Variants in UTP15 observed in about 807,000 individuals in gnomAD.
UTP15 encodes UTP15 small subunit processome component, also known as U3 small nucleolar RNA-associated protein 15 homolog.
UTP15 carries 5 observed loss-of-function variants against 59.1 expected under a neutral mutation model. The observed-to-expected ratio is 0.08, with a 90% CI of 0.04 to 0.18. UTP15 has a LOEUF of 0.18. Among genes scored for constraint, UTP15 ranks in the 10% least tolerant of loss-of-function variants. UTP15 has a pLI of 1.00. For synonymous variants in UTP15, 211 were observed against 212.2 expected (o/e 0.99, Z 0.05); for missense variants, 494 against 616.7 (o/e 0.80, Z 2.11).
chr5:73,578,666 C>T (rs1340478873), intron 9 of UTP15, 85 bp from the exon 10 acceptor site: 14 of 1,126,294 alleles, frequency 1.2e-5, no homozygotes, highest in Non-Finnish European at 1.7e-5. Flanking sequence ...TCAGAGATAC[C>T]ACTTCATTAT....
chr5:73,582,972 C>G lies in UTP15; in HGVS notation c.*2878C>G, dbSNP rs1318799614. 5 of 152,138 alleles carry G rather than the reference C, an allele frequency of 3.3e-5. No individual in the cohort carries two copies. Among genetic ancestry groups the G allele is most frequent in the African/African-American group, 1.2e-4 (5 of 41,432 alleles). 9.4% of individuals were successfully genotyped at this position (152,138 alleles called of 1,614,324 possible). A position where few individuals can be genotyped will look rare whatever the true frequency, so the allele number is the denominator to read the frequency against. Reference sequence around the variant, plus strand: ...GAAGGTTTATGCTAATGGGGTCAAGCATTTGCAATGCTGCTTAAAAGAATC... The same window carrying G: ...GAAGGTTTATGCTAATGGGGTCAAGGATTTGCAATGCTGCTTAAAAGAATC... On this transcript the variant is annotated 3_prime_UTR_variant, in exon 13 of 13. Transcript: ENST00000296792.
At chr5:73,574,453 G>A (rs962617331) in intron 7 of UTP15, among the ~76,000 whole-genome samples, 7 of 152,044 alleles carry the variant, frequency 4.6e-5, no homozygotes, top group African/African-American at 1.4e-4. Flanking sequence ...GCAGCTAGAA[G>A]TATGGCACAG....
chr5:73,574,469 G>T (rs937319458), intron 7 of UTP15, among the ~76,000 whole-genome samples: 1 of 151,610 alleles, frequency 6.6e-6, no homozygotes, highest in African/African-American at 2.4e-5. Context: ...CACAGTTCTA[G>T]AATTTACATG....
At position 73,568,552 on chromosome 5, in the gene UTP15, C is replaced by G. The variant is rs1747848217; in HGVS notation, c.316C>G (p.Leu106Val). 1.2e-6 allele frequency: 2 copies of G among 1,614,026 alleles called. No homozygotes were observed. The highest frequency in any genetic ancestry group is 1.7e-6 in the Non-Finnish European group (2 of 1,179,940). Reference sequence around the variant, plus strand: ...TGGCAGTGAAGATGGTGGAGTTCAACTTTTTGATATAAGTGGGAGGGCTCC... The same window carrying G: ...TGGCAGTGAAGATGGTGGAGTTCAAGTTTTTGATATAAGTGGGAGGGCTCC... ...VAGSEDGGVQ[L>V]FDISGRAPLR... Residue 106 changes from leucine to valine, a missense_variant, in exon 4 of 13, where the codon CTT becomes GTT. Leu to Val is a conservative substitution (Grantham distance 32, BLOSUM62 1). Transcript: ENST00000296792.
intron 10 of UTP15, 39 bp downstream of exon 10, chr5:73,578,891 C>G (rs1231438296): frequency 5.0e-6 from 8 of 1,585,316 alleles, no homozygotes; most frequent in Non-Finnish European, 5.2e-6. Context: ...TTATTACTTA[C>G]CCTGCATATT....
chr5:73,571,875 T>C (rs1163949957), intron 6 of UTP15, among the ~76,000 whole-genome samples: 1 of 152,204 alleles, frequency 6.6e-6, no homozygotes, highest in Non-Finnish European at 1.5e-5. Context: ...ACAGGGAGAA[T>C]AGAAAGCTGT....
At chr5:73,568,752 T>C (rs1561275562) in intron 4 of UTP15, 148 bp downstream of exon 4, 8 of 695,772 alleles carry the variant, frequency 1.1e-5, no homozygotes, top group Non-Finnish European at 1.8e-5. Flanking sequence ...TAAGAGTGCT[T>C]AACTTGGGTT....
At chr5:73,570,975 A>G (rs1747915467) in intron 6 of UTP15, among the ~76,000 whole-genome samples, 1 of 152,222 alleles carries the variant, frequency 6.6e-6, no homozygotes, top group African/African-American at 2.4e-5. Context: ...CAGCAATGAA[A>G]TAAAAGTTTT....
chr5:73,566,165 T>C, intron 1 of UTP15: 1 of 243,514 alleles, frequency 4.1e-6, no homozygotes, highest in South Asian at 4.4e-5. Context: ...CATCTTTGCC[T>C]TTGCTTACGA....
chr5:73,568,708 A>T, intron 4 of UTP15, 104 bp downstream of exon 4: 1 of 1,118,862 alleles, frequency 8.9e-7, no homozygotes, highest in Non-Finnish European at 1.2e-6. Context: ...TATGGAGATT[A>T]TTTGCCTATA....
rs1747874917 is a variant in UTP15 at position 73,569,632 on chromosome 5, G to A, written c.504G>A (p.Arg168=). 5 of 1,612,824 alleles carry A rather than the reference G, an allele frequency of 3.1e-6. No individual in the cohort carries two copies. Among genetic ancestry groups the A allele is most frequent in the African/African-American group, 2.7e-5 (2 of 74,814 alleles). The part of the protein sequence containing the change: ...LTFKEHSDYV[R]CGCASKLNPD... ...TTAAAGAACACTCTGATTATGTGAG[G>A]TGTGGATGTGCTAGCAAACTTAATC... is the stretch of plus-strand genomic sequence containing the variant. Residue 168 remains arginine, a synonymous_variant, in exon 5 of 13, where the codon AGG becomes AGA. Transcript: ENST00000296792.
At chr5:73,579,762 A>T (rs1410949282) in intron 12 of UTP15, 115 bp from the exon 13 acceptor site, 2 of 542,246 alleles carry the variant, frequency 3.7e-6, no homozygotes, top group Admixed American at 3.8e-5. Flanking sequence ...TAAAATAAGT[A>T]CAGATTTTTC....
intron 5 of UTP15, 119 bp from the exon 6 acceptor site, chr5:73,570,467 A>G: frequency 4.1e-6 from 4 of 984,684 alleles, no homozygotes; most frequent in Admixed American, 2.5e-5. Flanking sequence ...ATGAATATAC[A>G]TATATGTCTT....
intron 5 of UTP15, 32 bp from the exon 6 acceptor site, chr5:73,570,554 T>C (rs1481897091): frequency 6.2e-7 from 1 of 1,609,470 alleles, no homozygotes; most frequent in Admixed American, 1.7e-5. Flanking sequence ...TTTTAAACAG[T>C]CAAACTAAAA....
chr5:73,577,780 T>C, intron 8 of UTP15, 76 bp from the exon 9 acceptor site: 2 of 1,247,056 alleles, frequency 1.6e-6, no homozygotes. Context: ...AAACACATGG[T>C]AAATGTGTTT....
Position 73,581,926 on chromosome 5 carries a change from G to A in UTP15, c.*1832G>A, listed in dbSNP as rs548395106. 9.2e-5 allele frequency: 14 copies of A among 152,196 alleles called. No homozygotes were observed. The East Asian group carries it at 2.7e-3, about 29-fold the overall frequency. The allele number at this position is 152,196 out of a possible 1,614,324, so 9.4% of individuals were successfully genotyped here. ...ATCAGAAGCTGGGTTTTGGGGTTGAGAAGAGTTCATTTATTTAAATAAAGT... is the reference window on the plus strand; with the variant it reads ...ATCAGAAGCTGGGTTTTGGGGTTGAAAAGAGTTCATTTATTTAAATAAAGT... On this transcript the variant is annotated 3_prime_UTR_variant, in exon 13 of 13. Coordinates refer to ENST00000296792, the MANE Select transcript of UTP15 (RefSeq NM_032175.4).
intron 4 of UTP15, 80 bp from the exon 5 acceptor site, chr5:73,569,417 G>T: frequency 8.8e-7 from 1 of 1,141,608 alleles, no homozygotes. Context: ...TTTAATCTGA[G>T]AAAAAGGAGC....
chr5:73,569,720 A>T, intron 5 of UTP15, 45 bp downstream of exon 5: 3 of 1,447,176 alleles, frequency 2.1e-6, no homozygotes, highest in Non-Finnish European at 2.7e-6. Context: ...TCTCACGGGG[A>T]TGTACTTTAA....
chr5:73,579,422 A>G (rs1310929457), intron 12 of UTP15, 47 bp downstream of exon 12: 3 of 1,401,056 alleles, frequency 2.1e-6, no homozygotes, highest in Non-Finnish European at 9.9e-7. Context: ...TTGCAAAAGT[A>G]GAGATGTCAA....
Sources: gnomAD v4.1 joint callset for allele counts (sites outside exome capture counted in the v4.1 genomes callset) on GRCh38, gnomAD v4.1.1 for gene constraint, MANE v1.5 for transcripts, NCBI Gene and HGNC (gene_info 2026-07-23, HGNC 2026-07-21) for gene names.